COQ5: variants seen among roughly 807,000 people sequenced by gnomAD.
The protein encoded by COQ5 is 2-methoxy-6-polyprenyl-1,4-benzoquinol methylase, mitochondrial.
In COQ5, 27 loss-of-function variants were observed where a neutral mutation model predicts 40.5. The observed-to-expected ratio is 0.67, with a 90% CI of 0.49 to 0.92. COQ5 has a LOEUF of 0.92. COQ5 is among the 40% of genes least tolerant of loss of function. The pLI, the probability that COQ5 is intolerant of heterozygous loss-of-function variation, is 0.00. For missense variants in COQ5, 409 were observed against 406.4 expected (o/e 1.01, Z -0.06); for synonymous variants, 141 against 150.0 (o/e 0.94, Z 0.44).
chr12:120,507,658 T>C (rs1328444044), intron 4 of COQ5, among the ~76,000 whole-genome samples: 2 of 147,670 alleles, frequency 1.4e-5, no homozygotes, highest in Non-Finnish European at 3.0e-5. Flanking sequence ...GAGGCCGAGG[T>C]GGGTGGATCA....
At chr12:120,519,232 C>G (rs1295825355) in intron 2 of COQ5, among the ~76,000 whole-genome samples, 1 of 152,206 alleles carries the variant, frequency 6.6e-6, no homozygotes, top group East Asian at 1.9e-4. Context: ...GTGACTAAAT[C>G]TTTGTGGAAG....
chr12:120,526,698 A>ATTTTTTTTTTTT lies in COQ5; in HGVS notation c.202+2230_202+2241dup, dbSNP rs61584250. 4.3e-3 allele frequency among the ~76,000 whole-genome samples: 277 copies of ATTTTTTTTTTTT among 64,150 alleles called. 51 individuals are homozygous for ATTTTTTTTTTTT. Among genetic ancestry groups the ATTTTTTTTTTTT allele is most frequent in the African/African-American group, 0.014 (173 of 12,192 alleles). 42.1% of individuals were successfully genotyped at this position (64,150 alleles called of 152,430 possible). ...AATAGTGCTCAAACTACTCTTGGCAATTTTTTTTTTTTTTTTTTTTTTTTT... is the reference window on the plus strand; with the variant it reads ...AATAGTGCTCAAACTACTCTTGGCAATTTTTTTTTTTTTTTTTTTTTTTTTTTTTTTTTTTTT... On this transcript the variant is annotated intron_variant, in intron 1 of 6. Transcript: ENST00000288532.
chr12:120,526,702 T>TTTTTTG, intron 1 of COQ5, among the ~76,000 whole-genome samples: 1 of 42,460 alleles, frequency 2.4e-5, no homozygotes, highest in Non-Finnish European at 4.9e-5. Flanking sequence ...TTGGCAATTT[T>TTTTTTG]TTTTTTTTTT....
At chr12:120,507,745 G>T (rs1868944195) in intron 4 of COQ5, among the ~76,000 whole-genome samples, 1 of 148,604 alleles carries the variant, frequency 6.7e-6, no homozygotes, top group Non-Finnish European at 1.5e-5. Context: ...AAATTAGTCG[G>T]GCATGGTGGT....
chr12:120,519,135 CTTAAT>C (rs747727273), intron 2 of COQ5, among the ~76,000 whole-genome samples: 70 of 152,112 alleles, frequency 4.6e-4, no homozygotes, highest in Non-Finnish European at 9.0e-4. Flanking sequence ...CTGGATATGC[CTTAAT>C]TTAAAGCCAT....
At chr12:120,514,466 C>T (rs183595803) in intron 3 of COQ5, among the ~76,000 whole-genome samples, 13 of 151,944 alleles carry the variant, frequency 8.6e-5, no homozygotes, top group South Asian at 4.1e-4. Flanking sequence ...CTGGGCTGGG[C>T]GCAGTGGCTC....
At chr12:120,512,074 G>A (rs1261279781) in intron 3 of COQ5, among the ~76,000 whole-genome samples, 8 of 152,130 alleles carry the variant, frequency 5.3e-5, no homozygotes, top group Non-Finnish European at 8.8e-5. Flanking sequence ...GCCAGACGTG[G>A]TGGTGGGTGC....
At chr12:120,522,838 C>A in intron 1 of COQ5, 1 of 686,258 alleles carries the variant, frequency 1.5e-6, no homozygotes, top group Non-Finnish European at 2.6e-6. Flanking sequence ...GCAAGTGGAT[C>A]GAGCTTGCGG....
intron 5 of COQ5, chr12:120,504,495 G>A (rs1291771914): frequency 1.5e-5 from 4 of 263,788 alleles, no homozygotes; most frequent in Admixed American, 6.0e-5. Flanking sequence ...TGATCCTCCC[G>A]CCTCAGCCTC....
In COQ5 at chr12:120,522,101, G is replaced by A. The variant is rs1332120038; in HGVS notation, c.352+113C>T. The A allele has an allele frequency of 5.5e-6, 6 of 1,084,066 alleles. No individual in the cohort carries two copies. In the East Asian group the frequency reaches 1.5e-4, roughly 26 times the overall value. The allele number at this position is 1,084,066 out of a possible 1,614,324, so 67.2% of individuals were successfully genotyped here. ...CTTTCTCAGAAGTTATAAGTATGCA[G>A]ATTTTCAATCACCATCTTCCGCCTC... On this transcript the variant is annotated intron_variant, in intron 2 of 6. Coordinates refer to ENST00000288532, the MANE Select transcript of COQ5 (RefSeq NM_032314.4).
chr12:120,522,862 G>A, intron 1 of COQ5: 1 of 714,946 alleles, frequency 1.4e-6, no homozygotes, highest in Non-Finnish European at 2.5e-6. Flanking sequence ...ACACCCTTTG[G>A]GATCTCGGGC....
At chr12:120,517,495 C>A (rs1593020514) in intron 2 of COQ5, among the ~76,000 whole-genome samples, 1 of 149,360 alleles carries the variant, frequency 6.7e-6, no homozygotes, top group Non-Finnish European at 1.5e-5. Context: ...ATGATGAAAC[C>A]CCGTCTCTAC....
intron 4 of COQ5, among the ~76,000 whole-genome samples, chr12:120,506,357 C>T (rs575573807): frequency 6.6e-6 from 1 of 151,922 alleles, no homozygotes; most frequent in Non-Finnish European, 1.5e-5. Flanking sequence ...TTCTCCAACA[C>T]TCCTGTTTAA....
chr12:120,525,732 A>T (rs749651833), intron 1 of COQ5, among the ~76,000 whole-genome samples: 1 of 151,822 alleles, frequency 6.6e-6, no homozygotes, highest in Non-Finnish European at 1.5e-5. Context: ...AGACCATCCT[A>T]GCTAACACAG....
intron 2 of COQ5, among the ~76,000 whole-genome samples, chr12:120,517,516 C>A (rs373845315): frequency 3.4e-4 from 44 of 127,642 alleles, no homozygotes; most frequent in Admixed American, 8.0e-4. Context: ...TAAAAAAATA[C>A]AAAAAAAAAA....
At chr12:120,528,158 C>T (rs1017338102) in intron 1 of COQ5, among the ~76,000 whole-genome samples, 1 of 151,166 alleles carries the variant, frequency 6.6e-6, no homozygotes, top group Non-Finnish European at 1.5e-5. Flanking sequence ...GCCCATATTG[C>T]GCCATTGCAC....
intron 2 of COQ5, among the ~76,000 whole-genome samples, chr12:120,519,477 T>C (rs1869540704): frequency 6.6e-6 from 1 of 152,110 alleles, no homozygotes; most frequent in Non-Finnish European, 1.5e-5. Flanking sequence ...TGAGAATCAC[T>C]TTAACCCAGG....
chr12:120,518,098 C>T (rs189665677), intron 2 of COQ5, among the ~76,000 whole-genome samples: 79 of 152,202 alleles, frequency 5.2e-4, no homozygotes, highest in African/African-American at 1.8e-3. Flanking sequence ...TGAGCCATTG[C>T]GCCTGGCCCT....
At chr12:120,515,278 C>T (rs1379395866) in intron 3 of COQ5, among the ~76,000 whole-genome samples, 1 of 151,998 alleles carries the variant, frequency 6.6e-6, no homozygotes, top group African/African-American at 2.4e-5. Context: ...TTTGTAGAGA[C>T]AGAGTCTCAC....
Sources: allele counts gnomAD v4.1 joint callset (sites outside exome capture counted in the v4.1 genomes callset), GRCh38; gene constraint gnomAD v4.1.1; transcripts MANE v1.5; gene names NCBI Gene and HGNC (gene_info 2026-07-23, HGNC 2026-07-21).